Variants in PSD3 observed in about 807,000 individuals in gnomAD.
The protein encoded by PSD3 is PH and SEC7 domain-containing protein 3.
In PSD3, 49 loss-of-function variants were observed where a neutral mutation model predicts 105.5. The observed-to-expected ratio is 0.46, with a 90% CI of 0.37 to 0.59. PSD3 has a LOEUF of 0.59. Among genes scored for constraint, PSD3 ranks in the 20% least tolerant of loss-of-function variants. PSD3 has a pLI of 0.00. For synonymous variants in PSD3, 557 were observed against 457.8 expected, an observed-to-expected ratio of 1.22 and a Z score of -2.77; for missense variants, 1,561 against 1,263.8, an observed-to-expected ratio of 1.24 and a Z score of -3.57.
intron 8 of PSD3, among the ~76,000 whole-genome samples, chr8:18,780,608 C>A (rs1236281094): frequency 6.6e-6 from 1 of 152,014 alleles, no homozygotes; most frequent in Non-Finnish European, 1.5e-5. Context: ...CTGGAGTGTG[C>A]AGTGGTGCGA....
chr8:18,661,699 T>G (rs1247212413), intron 9 of PSD3, among the ~76,000 whole-genome samples: 1 of 152,148 alleles, frequency 6.6e-6, no homozygotes, highest in Non-Finnish European at 1.5e-5. Flanking sequence ...TATGACTTTT[T>G]TTTCTTAAGT....
chr8:18,626,482 T>C (rs1387996181), intron 11 of PSD3, among the ~76,000 whole-genome samples: 1 of 152,108 alleles, frequency 6.6e-6, no homozygotes, highest in Non-Finnish European at 1.5e-5. Context: ...ATTTAGAAAA[T>C]AAGTATCTAC....
chr8:18,548,710 G>C (rs1317395515), intron 15 of PSD3, among the ~76,000 whole-genome samples: 5 of 152,212 alleles, frequency 3.3e-5, no homozygotes, highest in African/African-American at 1.2e-4. Flanking sequence ...ATGACAGGTA[G>C]TTTGCACTTG....
At chr8:19,011,714 TC>T (rs1826958395) in intron 1 of PSD3, among the ~76,000 whole-genome samples, 1 of 152,072 alleles carries the variant, frequency 6.6e-6, no homozygotes, top group African/African-American at 2.4e-5. Context: ...AACAAAACTT[TC>T]TTTAAAGAAA....
intron 11 of PSD3, among the ~76,000 whole-genome samples, chr8:18,605,402 T>G (rs1304651278): frequency 6.6e-6 from 1 of 152,336 alleles, no homozygotes; most frequent in South Asian, 2.1e-4. Context: ...ATATTCCTTT[T>G]GGAATGGGAA....
intron 9 of PSD3, among the ~76,000 whole-genome samples, chr8:18,692,684 C>A (rs1475307676): frequency 6.6e-6 from 1 of 151,836 alleles, no homozygotes; most frequent in South Asian, 2.1e-4. Flanking sequence ...GGGGATTATT[C>A]ATTTTTTTCT....
At chr8:18,915,113 A>G (rs1221688411) in intron 2 of PSD3, among the ~76,000 whole-genome samples, 1 of 152,186 alleles carries the variant, frequency 6.6e-6, no homozygotes, top group African/African-American at 2.4e-5. Context: ...ACATCAATGA[A>G]CAGTGCTGGG....
At chr8:18,605,687 G>T (rs142152042) in intron 11 of PSD3, among the ~76,000 whole-genome samples, 1 of 152,280 alleles carries the variant, frequency 6.6e-6, no homozygotes, top group African/African-American at 2.4e-5. Context: ...ATGCTAAATT[G>T]TAATTCCCAG....
At position 18,922,133 on chromosome 8, in the gene PSD3, G is replaced by A. The variant is rs545364070; in HGVS notation, c.130+13901C>T. 2.0e-5 allele frequency among the ~76,000 whole-genome samples: 3 copies of A among 152,252 alleles called. No homozygotes were observed. The East Asian group carries it at 5.8e-4, about 29-fold the overall frequency. ...ATAGTTTATTCAAGGATCCATGAAG[G>A]GAGACTGCTAAAAACATACTTTGTG... On this transcript the variant is annotated intron_variant, in intron 2 of 15. Coordinates refer to ENST00000327040, the MANE Select transcript of PSD3 (RefSeq NM_015310.4).
chr8:18,688,870 T>C (rs1013983618), intron 9 of PSD3, among the ~76,000 whole-genome samples: 4 of 152,238 alleles, frequency 2.6e-5, no homozygotes, highest in African/African-American at 9.6e-5. Context: ...GCAGGCTTCC[T>C]GGAGAGAAGC....
At chr8:18,809,340 C>T (rs1157476464) in intron 4 of PSD3, among the ~76,000 whole-genome samples, 1 of 152,106 alleles carries the variant, frequency 6.6e-6, no homozygotes, top group African/African-American at 2.4e-5. Context: ...TTCCCTGGGG[C>T]CTTTATTTCT....
At position 18,930,048 on chromosome 8, in the gene PSD3, A is replaced by C. The variant is rs188641763; in HGVS notation, c.130+5986T>G. On this transcript the variant is annotated intron_variant, in intron 2 of 15. Coordinates refer to ENST00000327040, the MANE Select transcript of PSD3 (RefSeq NM_015310.4). ...ATCCAGGAGAACCAACACCTATCTA[A>C]TAGGAACTGCAGAAGTAAAAACCAT... 1.9e-4 allele frequency among the ~76,000 whole-genome samples: 29 copies of C among 152,338 alleles called. No individual in the cohort carries two copies. In the East Asian group the frequency reaches 5.6e-3, roughly 29 times the overall value.
chr8:19,001,402 GCA>G (rs1395806554), intron 1 of PSD3, among the ~76,000 whole-genome samples: 1 of 150,820 alleles, frequency 6.6e-6, no homozygotes, highest in South Asian at 2.1e-4. Context: ...CCCAACACAT[GCA>G]CAGTTTCCCC....
chr8:19,076,009 C>A (rs1250801492), intron 1 of PSD3, among the ~76,000 whole-genome samples: 1 of 152,064 alleles, frequency 6.6e-6, no homozygotes, highest in South Asian at 2.1e-4. Context: ...GCTACGAACA[C>A]AAGGCAACCT....
At chr8:18,691,280 T>G (rs1800960789) in intron 9 of PSD3, among the ~76,000 whole-genome samples, 1 of 152,208 alleles carries the variant, frequency 6.6e-6, no homozygotes, top group Non-Finnish European at 1.5e-5. Flanking sequence ...AGACCAGTCA[T>G]GTAAGATGTT....
At chr8:18,633,803 T>C (rs535276378) in intron 10 of PSD3, among the ~76,000 whole-genome samples, 21 of 152,288 alleles carry the variant, frequency 1.4e-4, no homozygotes, top group African/African-American at 4.8e-4. Context: ...ATTTGAATGG[T>C]AGTTCTTTTT....
chr8:19,005,201 A>G (rs537717310), intron 1 of PSD3, among the ~76,000 whole-genome samples: 2 of 152,044 alleles, frequency 1.3e-5, no homozygotes, highest in Non-Finnish European at 2.9e-5. Flanking sequence ...GAAACAACCC[A>G]TCAACTGATG....
At chr8:18,737,146 G>A (rs1804208160) in intron 9 of PSD3, among the ~76,000 whole-genome samples, 1 of 152,176 alleles carries the variant, frequency 6.6e-6, no homozygotes, top group Non-Finnish European at 1.5e-5. Context: ...GGGGATAGAG[G>A]CTGTGCACTA....
intron 9 of PSD3, among the ~76,000 whole-genome samples, chr8:18,695,530 T>A (rs1339444432): frequency 1.3e-5 from 2 of 152,218 alleles, no homozygotes; most frequent in African/African-American, 2.4e-5. Context: ...TTTTATTATG[T>A]AATAACTGAC....
Sources: allele counts gnomAD v4.1 joint callset (sites outside exome capture counted in the v4.1 genomes callset), GRCh38; gene constraint gnomAD v4.1.1; transcripts MANE v1.5; gene names NCBI Gene and HGNC (gene_info 2026-07-23, HGNC 2026-07-21).